Variants in USP10 observed in about 807,000 individuals in gnomAD.
USP10 encodes the protein ubiquitin carboxyl-terminal hydrolase 10.
Under a neutral mutation model 84.5 loss-of-function variants are expected in USP10, and 22 were observed. The observed-to-expected ratio is 0.26, with a 90% confidence interval of 0.19 to 0.37. USP10 has a LOEUF of 0.37. USP10 is among the 10% of genes least tolerant of loss of function. The pLI is 1.00. For missense variants in USP10, 1,019 were observed against 998.9 expected, an observed-to-expected ratio of 1.02 and a Z score of -0.27; for synonymous variants, 454 against 387.6, an observed-to-expected ratio of 1.17 and a Z score of -2.01.
chr16:84,745,046 G>C lies in USP10; in HGVS notation c.565G>C (p.Val189Leu), dbSNP rs1240162654. The change falls in exon 4 of 14, where the codon GTC (valine) becomes CTC (leucine). Residue 189 changes from valine (V) to leucine (L), a missense_variant. Transcript: ENST00000219473. ...GHANSAVPNSVSAEDAEFMGD... is the reference protein window; with the variant it reads ...GHANSAVPNSLSAEDAEFMGD... ...TGCCAATTCAGCAGTCCCGAACAGT[G>C]TCAGTGCAGAGGATGCAGAATTTAT... 6.8e-6 allele frequency: 11 copies of C among 1,613,636 alleles called. No individual in the cohort carries two copies. In the South Asian group the frequency reaches 1.2e-4, roughly 18 times the overall value.
intron 1 of USP10, among the ~76,000 whole-genome samples, chr16:84,726,636 A>G (rs976914298): frequency 6.6e-6 from 1 of 152,096 alleles, no homozygotes; most frequent in Admixed American, 6.5e-5. Flanking sequence ...TTTTTTCCAC[A>G]TCCTCTTGAG....
chr16:84,745,827 G>A (rs1367760672), intron 4 of USP10, among the ~76,000 whole-genome samples, 154 bp downstream of exon 4: 1 of 152,192 alleles, frequency 6.6e-6, no homozygotes, highest in Non-Finnish European at 1.5e-5. Flanking sequence ...TTCTCTAAAA[G>A]TAAGATAATA....
chr16:84,705,131 G>A (rs1157462108), intron 1 of USP10, among the ~76,000 whole-genome samples: 1 of 152,176 alleles, frequency 6.6e-6, no homozygotes, highest in Non-Finnish European at 1.5e-5. Flanking sequence ...ATCTCCTTAA[G>A]CCTGTACTCT....
At position 84,758,724 on chromosome 16, in the gene USP10, G is replaced by A; in HGVS notation, c.1201G>A (p.Glu401Lys). 1 of 1,612,276 alleles carries A rather than the reference G, an allele frequency of 6.2e-7. No homozygotes were observed. The highest frequency in any genetic ancestry group is 8.5e-7 in the Non-Finnish European group (1 of 1,178,334). Residue 401 changes from glutamate to lysine, a missense_variant, in exon 5 of 14, where the codon GAG (glutamate) becomes AAG (lysine). Transcript: ENST00000219473. ...PVAIKIAELL[E>K]NVTLIHKPVS... Reference sequence around the variant, plus strand: ...CTTCTTCACTCTTTCAGAGTTGCTGGAGAATGTAACCCTAATCCATAAACC... The same window carrying A: ...CTTCTTCACTCTTTCAGAGTTGCTGAAGAATGTAACCCTAATCCATAAACC...
intron 4 of USP10, among the ~76,000 whole-genome samples, chr16:84,752,182 G>A (rs759277669): frequency 1.3e-5 from 2 of 152,150 alleles, no homozygotes; most frequent in South Asian, 4.1e-4. Context: ...CTGGCATTTT[G>A]TGCCTTTTCT....
chr16:84,731,817 C>G (rs547620987), intron 1 of USP10, among the ~76,000 whole-genome samples: 1 of 151,858 alleles, frequency 6.6e-6, no homozygotes, highest in East Asian at 1.9e-4. Context: ...TTTCTGCTTC[C>G]TTTTAGCCTA....
intron 13 of USP10, among the ~76,000 whole-genome samples, chr16:84,775,994 C>T (rs536187619): frequency 6.6e-6 from 1 of 152,180 alleles, no homozygotes; most frequent in Non-Finnish European, 1.5e-5. Flanking sequence ...CTGTGTCTTC[C>T]CTCCTCTGGT....
At position 84,745,385 on chromosome 16, in the gene USP10, G is replaced by A. The variant is rs771980758; in HGVS notation, c.904G>A (p.Val302Met). ...SSGEGTATNGVELHTTESIDL... is the reference protein window; with the variant it reads ...SSGEGTATNGMELHTTESIDL... ...GGGTGAGGGCACAGCTACCAACGGG[G>A]TGGAGTTGCACACCACGGAAAGCAT... The change falls in exon 4 of 14, where the codon GTG becomes ATG. Residue 302 changes from valine (V) to methionine (M), a missense_variant. Physicochemically the swap from Val to Met is conservative, Grantham distance 21. Coordinates refer to ENST00000219473, the MANE Select transcript of USP10 (RefSeq NM_005153.3). 1.9e-6 allele frequency: 3 copies of A among 1,613,492 alleles called. No individual in the cohort carries two copies. Among genetic ancestry groups the A allele is most frequent in the Non-Finnish European group, 1.7e-6 (2 of 1,179,710 alleles).
chr16:84,701,173 CTA>C (rs1278773236), intron 1 of USP10, among the ~76,000 whole-genome samples: 2 of 152,298 alleles, frequency 1.3e-5, no homozygotes, highest in South Asian at 4.1e-4. Context: ...GTCAATCTGA[CTA>C]CACCTCTTTT....
chr16:84,777,587 GCTGTTCAGT>G (rs1915150145), intron 13 of USP10, among the ~76,000 whole-genome samples: 1 of 152,164 alleles, frequency 6.6e-6, no homozygotes, highest in African/African-American at 2.4e-5. Context: ...CTGTCCCTAT[GCTGTTCAGT>G]CTCCTCCGGG....
chr16:84,772,692 CA>C lies in USP10; in HGVS notation c.2143+8del. On this transcript the variant is annotated splice_region_variant and intron_variant, in intron 12 of 13. Coordinates refer to ENST00000219473, the MANE Select transcript of USP10 (RefSeq NM_005153.3). Reference sequence around the variant, plus strand: ...GACTTGGAAATTAGTAAAGGTAATGCATACATAAGGTCGGGAGTGTTCGTGG... The same window carrying C: ...GACTTGGAAATTAGTAAAGGTAATGCTACATAAGGTCGGGAGTGTTCGTGG... 1 of 1,613,832 alleles carries C rather than the reference CA, an allele frequency of 6.2e-7. No homozygotes were observed. Among genetic ancestry groups the C allele is most frequent in the East Asian group, 2.2e-5 (1 of 44,878 alleles).
intron 1 of USP10, among the ~76,000 whole-genome samples, chr16:84,718,439 T>C (rs1907339639): frequency 6.6e-6 from 1 of 152,190 alleles, no homozygotes; most frequent in South Asian, 2.1e-4. Flanking sequence ...TTTTCTGTCA[T>C]ATTACTTCTA....
chr16:84,768,718 ATTAG>A (rs1308307545), intron 11 of USP10, among the ~76,000 whole-genome samples: 1 of 152,188 alleles, frequency 6.6e-6, no homozygotes, highest in East Asian at 1.9e-4. Flanking sequence ...CTGTCATTAG[ATTAG>A]TTAGGATGTC....
intron 1 of USP10, among the ~76,000 whole-genome samples, chr16:84,711,767 A>C: frequency 7.9e-6 from 1 of 127,126 alleles, no homozygotes; most frequent in African/African-American, 3.2e-5. Context: ...TTGTTCTGTC[A>C]CCCAGGCAGT....
At chr16:84,710,713 T>C (rs559310220) in intron 1 of USP10, among the ~76,000 whole-genome samples, 1 of 152,286 alleles carries the variant, frequency 6.6e-6, no homozygotes, top group Admixed American at 6.5e-5. Context: ...ATCATTGGAT[T>C]TAACAGCGTT....
At chr16:84,731,749 C>T (rs755705884) in intron 1 of USP10, among the ~76,000 whole-genome samples, 6 of 151,214 alleles carry the variant, frequency 4.0e-5, no homozygotes, top group South Asian at 2.1e-4. Flanking sequence ...TTAATTTCCG[C>T]GAACACTTTC....
At chr16:84,745,752 C>A (rs184517212) in intron 4 of USP10, 79 bp downstream of exon 4, 2 of 1,416,628 alleles carry the variant, frequency 1.4e-6, no homozygotes, top group Non-Finnish European at 1.9e-6. Context: ...GTGGTGTTAC[C>A]CATAACAATG....
At chr16:84,730,700 A>G (rs1482851579) in intron 1 of USP10, among the ~76,000 whole-genome samples, 2 of 152,154 alleles carry the variant, frequency 1.3e-5, no homozygotes, top group South Asian at 2.1e-4. Context: ...TTATCAAATC[A>G]TTTGGATTTG....
chr16:84,773,545 C>G (rs931138448), intron 12 of USP10, among the ~76,000 whole-genome samples: 6 of 152,234 alleles, frequency 3.9e-5, no homozygotes, highest in African/African-American at 1.4e-4. Context: ...CCCGTGAAGA[C>G]TCAGACACTG....
Sources: allele counts gnomAD v4.1 joint callset (sites outside exome capture counted in the v4.1 genomes callset), GRCh38; gene constraint gnomAD v4.1.1; transcripts MANE v1.5; gene names NCBI Gene and HGNC (gene_info 2026-07-23, HGNC 2026-07-21).